WDR49: variants seen among roughly 807,000 people sequenced by gnomAD.
WDR49 encodes the protein cilia- and flagella-associated protein 337.
In WDR49, 107 loss-of-function variants were observed where a neutral mutation model predicts 119.5. The ratio of observed to expected loss-of-function variants is 0.90; its 90% CI spans 0.77 to 1.05. WDR49 has a LOEUF of 1.05. Among genes scored for constraint, WDR49 ranks in the 50% least tolerant of loss-of-function variants. WDR49 has a pLI of 0.00. For synonymous variants in WDR49, 425 were observed against 418.8 expected (o/e 1.01, Z -0.18); for missense variants, 1,240 against 1,220.5 (o/e 1.02, Z -0.24).
At chr3:167,486,166 G>T (rs1750909533) in intron 18 of WDR49, among the ~76,000 whole-genome samples, 1 of 151,996 alleles carries the variant, frequency 6.6e-6, no homozygotes, top group Non-Finnish European at 1.5e-5. Context: ...ATAAGTGAAA[G>T]ATAAATAAAA....
chr3:167,610,270 T>G (rs576510091), intron 5 of WDR49, among the ~76,000 whole-genome samples: 1 of 152,152 alleles, frequency 6.6e-6, no homozygotes, highest in South Asian at 2.1e-4. Context: ...GACTCTTGGA[T>G]GGAATTTCTG....
chr3:167,577,309 G>C (rs1362390432), intron 7 of WDR49, among the ~76,000 whole-genome samples: 21 of 152,124 alleles, frequency 1.4e-4, no homozygotes, highest in Admixed American at 1.4e-3. Flanking sequence ...GAATTAACAG[G>C]CTACTGAGGG....
chr3:167,589,130 G>A (rs1342696369), intron 7 of WDR49, among the ~76,000 whole-genome samples: 1 of 152,040 alleles, frequency 6.6e-6, no homozygotes, highest in Non-Finnish European at 1.5e-5. Context: ...CAAGATTTAG[G>A]TGTCTAATAT....
intron 7 of WDR49, among the ~76,000 whole-genome samples, chr3:167,597,157 C>T (rs957750467): frequency 2.0e-5 from 3 of 152,204 alleles, no homozygotes; most frequent in Non-Finnish European, 2.9e-5. Flanking sequence ...GTCCTGCTGC[C>T]TCTGTGCAGC....
chr3:167,563,619 T>TA (rs992516630), intron 8 of WDR49, among the ~76,000 whole-genome samples: 6 of 152,182 alleles, frequency 3.9e-5, no homozygotes, highest in African/African-American at 1.4e-4. Context: ...TTTATTATTT[T>TA]AAATTGACGC....
intron 15 of WDR49, 126 bp downstream of exon 15, chr3:167,527,694 G>A (rs1752685284): frequency 2.0e-6 from 2 of 1,020,212 alleles, no homozygotes. Context: ...TACTGCTTCG[G>A]AAATGTTGTC....
chr3:167,490,425 A>G (rs1025976086), intron 18 of WDR49, among the ~76,000 whole-genome samples: 6 of 152,116 alleles, frequency 3.9e-5, no homozygotes, highest in African/African-American at 9.7e-5. Context: ...GATGTTTAGT[A>G]TCCAAAAGGT....
intron 17 of WDR49, among the ~76,000 whole-genome samples, chr3:167,504,254 A>C (rs1417454664): frequency 6.6e-6 from 1 of 152,164 alleles, no homozygotes. Context: ...ACAGGCACTC[A>C]ACTCTAACCC....
At position 167,603,434 on chromosome 3, in the gene WDR49, A is replaced by G. The variant is rs191589584; in HGVS notation, c.1126+867T>C. 3.3e-5 allele frequency among the ~76,000 whole-genome samples: 5 copies of G among 152,306 alleles called. No homozygotes were observed. The East Asian group carries it at 9.7e-4, about 29-fold the overall frequency. On this transcript the variant is annotated intron_variant, in intron 6 of 18. Transcript: ENST00000682715. ...TACTCCTTGAAGATTTGATGTTGGC[A>G]TATTCACGAATTCATATTCAAGGTA...
rs1339251112 is a variant in WDR49 at position 167,505,330 on chromosome 3, C to G, written c.2861G>C (p.Gly954Ala). The G allele has an allele frequency of 6.6e-7, 1 of 1,516,694 alleles. No homozygotes were observed. Among genetic ancestry groups the G allele is most frequent in the Non-Finnish European group, 8.8e-7 (1 of 1,140,714 alleles). 94.0% of individuals were successfully genotyped at this position (1,516,694 alleles called of 1,614,324 possible). ...ACTGAATGATTTTTTTATAACTTCA[C>G]CATAATAAGGTTTTTGTGTTTCTTT... ...CMKETQKPYY[G>A]EVIKKSFSTF... Residue 954 changes from glycine to alanine, a missense_variant, in exon 17 of 19, where the codon GGT becomes GCT. By Grantham distance (60) the Gly-to-Ala change is moderately conservative. Transcript: ENST00000682715.
intron 5 of WDR49, among the ~76,000 whole-genome samples, chr3:167,612,912 T>C (rs1318502423): frequency 6.6e-6 from 1 of 152,164 alleles, no homozygotes; most frequent in African/African-American, 2.4e-5. Flanking sequence ...GGAATGGTAG[T>C]GGGGGCCTAG....
At chr3:167,525,703 G>A (rs2108236176) in intron 15 of WDR49, among the ~76,000 whole-genome samples, 1 of 152,136 alleles carries the variant, frequency 6.6e-6, no homozygotes, top group African/African-American at 2.4e-5. Context: ...ATGCATTTAT[G>A]AATAAATCCT....
intron 11 of WDR49, among the ~76,000 whole-genome samples, chr3:167,536,016 G>A (rs2108247185): frequency 6.6e-6 from 1 of 152,162 alleles, no homozygotes; most frequent in African/African-American, 2.4e-5. Flanking sequence ...TCACTTAGTT[G>A]TGGAATCTAA....
chr3:167,610,601 G>T (rs931153163), intron 5 of WDR49, among the ~76,000 whole-genome samples: 3 of 152,232 alleles, frequency 2.0e-5, no homozygotes, highest in African/African-American at 7.2e-5. Context: ...CCACCCAGGG[G>T]CTGGGGGACC....
intron 12 of WDR49, among the ~76,000 whole-genome samples, chr3:167,532,137 T>C (rs918103351): frequency 6.6e-5 from 10 of 152,084 alleles, no homozygotes; most frequent in Admixed American, 3.3e-4. Flanking sequence ...GAAAATAGCT[T>C]CTCAGCTTTT....
intron 5 of WDR49, among the ~76,000 whole-genome samples, chr3:167,606,008 C>G (rs1330281374): frequency 6.6e-6 from 1 of 152,166 alleles, no homozygotes; most frequent in Non-Finnish European, 1.5e-5. Flanking sequence ...CTTGGCTTCT[C>G]AAGTTTTAAC....
At chr3:167,606,226 C>A (rs1478344772) in intron 5 of WDR49, among the ~76,000 whole-genome samples, 3 of 152,100 alleles carry the variant, frequency 2.0e-5, no homozygotes, top group Non-Finnish European at 2.9e-5. Flanking sequence ...TCAAACACCC[C>A]TTTGGGAATC....
At chr3:167,518,268 C>G (rs899668144) in intron 16 of WDR49, among the ~76,000 whole-genome samples, 2 of 151,232 alleles carry the variant, frequency 1.3e-5, no homozygotes, top group Non-Finnish European at 3.0e-5. Flanking sequence ...ATGGCTGGGT[C>G]AAATGGTATT....
chr3:167,510,707 A>AT (rs1434358258), intron 16 of WDR49, among the ~76,000 whole-genome samples: 1 of 152,080 alleles, frequency 6.6e-6, no homozygotes, highest in African/African-American at 2.4e-5. Context: ...ATACACCCCA[A>AT]TTTTTTAACC....
Sources: gnomAD v4.1 joint callset for allele counts (sites outside exome capture counted in the v4.1 genomes callset) on GRCh38, gnomAD v4.1.1 for gene constraint, MANE v1.5 for transcripts, NCBI Gene and HGNC (gene_info 2026-07-23, HGNC 2026-07-21) for gene names.